The following ZFYVE1 variants were observed in gnomAD, a reference collection of about 807,000 sequenced individuals.
The protein encoded by ZFYVE1 is zinc finger FYVE domain-containing protein 1.
In ZFYVE1, 30 loss-of-function variants were observed where a neutral mutation model predicts 74.4. That is an observed-to-expected ratio of 0.40 (90% CI 0.30 to 0.55). The LOEUF (loss-of-function observed/expected upper bound fraction) is 0.55. ZFYVE1 is among the 20% of genes least tolerant of loss of function. The pLI, the probability that ZFYVE1 is intolerant of heterozygous loss-of-function variation, is 0.42. For missense variants in ZFYVE1, 703 were observed against 1,011.6 expected (o/e 0.69, Z 4.14); for synonymous variants, 335 against 385.1 (o/e 0.87, Z 1.52).
At chr14:73,026,487 A>G (rs12432987) in intron 1 of ZFYVE1, among the ~76,000 whole-genome samples, 1 of 151,998 alleles carries the variant, frequency 6.6e-6, no homozygotes, top group Non-Finnish European at 1.5e-5. Flanking sequence ...ATTTACTACA[A>G]TCTAACCTCA....
intron 10 of ZFYVE1, 139 bp from the exon 11 acceptor site, chr14:72,974,332 G>T: frequency 1.3e-6 from 1 of 785,784 alleles, no homozygotes; most frequent in Non-Finnish European, 2.1e-6. Context: ...AAGGGTCTGT[G>T]CTGTGGGTCA....
intron 2 of ZFYVE1, among the ~76,000 whole-genome samples, chr14:73,007,583 C>T (rs1224978488): frequency 6.6e-6 from 1 of 152,104 alleles, no homozygotes; most frequent in Non-Finnish European, 1.5e-5. Context: ...CTATGTTGCC[C>T]AGGCTGGTCT....
Position 72,998,222 on chromosome 14 carries a change from T to G in ZFYVE1, c.577A>C (p.Lys193Gln), listed in dbSNP as rs1315933082. 6.2e-7 allele frequency: 1 copy of G among 1,613,428 alleles called. No homozygotes were observed. The highest frequency in any genetic ancestry group is 8.5e-7 in the Non-Finnish European group (1 of 1,179,846). ...VSIFGNTGDG[K>Q]SHTLNHTFFY... ...AAAGTGTGGTTGAGAGTATGAGACTTTCCATCACCAGTATTTCCAAAAATG... is the reference window on the plus strand; with the variant it reads ...AAAGTGTGGTTGAGAGTATGAGACTGTCCATCACCAGTATTTCCAAAAATG... The change falls in exon 3 of 12, where the codon AAG becomes CAG. Residue 193 changes from lysine (K) to glutamine (Q), a missense_variant. Coordinates refer to ENST00000556143, the MANE Select transcript of ZFYVE1 (RefSeq NM_021260.4).
chr14:72,988,332 G>A (rs955249092), intron 4 of ZFYVE1, among the ~76,000 whole-genome samples: 22 of 151,698 alleles, frequency 1.5e-4, no homozygotes, highest in Admixed American at 3.3e-4. Context: ...ACACCATCAC[G>A]GCTGGCTAAT....
At chr14:72,986,451 G>A (rs1173413464) in intron 4 of ZFYVE1, among the ~76,000 whole-genome samples, 1 of 144,974 alleles carries the variant, frequency 6.9e-6, no homozygotes, top group African/African-American at 2.6e-5. Flanking sequence ...AGAATCAAGA[G>A]TGTGGGAAAA....
intron 2 of ZFYVE1, among the ~76,000 whole-genome samples, chr14:73,009,511 C>G (rs774124051): frequency 6.6e-6 from 1 of 152,208 alleles, no homozygotes; most frequent in Non-Finnish European, 1.5e-5. Context: ...AATCTCAGCA[C>G]TATGGGAGGC....
chr14:72,975,151 C>A lies in ZFYVE1; in HGVS notation c.1807-192G>T. 1.6e-6 allele frequency: 1 copy of A among 610,538 alleles called. No homozygotes were observed. Among genetic ancestry groups the A allele is most frequent in the Non-Finnish European group, 2.7e-6 (1 of 368,750 alleles). The allele number at this position is 610,538 out of a possible 1,614,324, so 37.8% of individuals were successfully genotyped here. On this transcript the variant is annotated intron_variant, in intron 9 of 11. Coordinates refer to ENST00000556143, the MANE Select transcript of ZFYVE1 (RefSeq NM_021260.4). The surrounding 1 kb of genome is among the most constrained non-coding windows in gnomAD (Gnocchi z 4.1). ...GCCTGGTGGACAGTGAGTTTCCTTT[C>A]ACTAAGTGTCTGGGTTGAAGCTGGG... is the stretch of plus-strand genomic sequence containing the variant.
chr14:72,982,990 C>T (rs1375413747), intron 4 of ZFYVE1, among the ~76,000 whole-genome samples: 2 of 151,992 alleles, frequency 1.3e-5, no homozygotes. Flanking sequence ...ATTACAGGCA[C>T]CCACCACCAC....
intron 3 of ZFYVE1, among the ~76,000 whole-genome samples, chr14:72,996,120 AG>A (rs1594848549): frequency 6.6e-6 from 1 of 151,890 alleles, no homozygotes; most frequent in East Asian, 1.9e-4. Flanking sequence ...GTGGCAGGGG[AG>A]GGGCTGCATT....
At chr14:72,982,021 C>G (rs530263344) in intron 4 of ZFYVE1, 126 bp from the exon 5 acceptor site, 1 of 752,682 alleles carries the variant, frequency 1.3e-6, no homozygotes, top group East Asian at 2.7e-5. Flanking sequence ...GCTCATTACC[C>G]TTGACCTTCC....
rs2140337817 is a variant in ZFYVE1 at position 72,970,579 on chromosome 14, G to A, written c.*303C>T. The A allele has an allele frequency of 2.8e-6, 1 of 352,214 alleles. No individual in the cohort carries two copies. The highest frequency in any genetic ancestry group is 3.6e-5 in the South Asian group (1 of 27,456). The allele number at this position is 352,214 out of a possible 1,614,324, so 21.8% of individuals were successfully genotyped here. A position where few individuals can be genotyped will look rare whatever the true frequency, so the allele number is the denominator to read the frequency against. On this transcript the variant is annotated 3_prime_UTR_variant, in exon 12 of 12. Coordinates refer to ENST00000556143, the MANE Select transcript of ZFYVE1 (RefSeq NM_021260.4). Reference sequence around the variant, plus strand: ...GCAGCAGCCTCGATACGCCCCGAGTGCCTTTCATATGTATATATGAGAGAG... The same window carrying A: ...GCAGCAGCCTCGATACGCCCCGAGTACCTTTCATATGTATATATGAGAGAG...
chr14:72,979,702 C>T (rs367829890), intron 5 of ZFYVE1, among the ~76,000 whole-genome samples: 1 of 150,752 alleles, frequency 6.6e-6, no homozygotes, highest in Admixed American at 6.6e-5. Flanking sequence ...GAAAAACTAC[C>T]TGTCCCCTCA....
At chr14:72,992,608 T>C (rs1893639467) in intron 4 of ZFYVE1, among the ~76,000 whole-genome samples, 1 of 129,540 alleles carries the variant, frequency 7.7e-6, no homozygotes, top group African/African-American at 3.0e-5. Flanking sequence ...GGAGGTCCCA[T>C]TCAGGTGCCC....
At chr14:73,003,782 T>C in intron 2 of ZFYVE1, among the ~76,000 whole-genome samples, 1 of 152,142 alleles carries the variant, frequency 6.6e-6, no homozygotes, top group Non-Finnish European at 1.5e-5. Context: ...AGAGCCTGAA[T>C]ATTCCTGATA....
chr14:73,001,980 A>C (rs1004989838), intron 2 of ZFYVE1, among the ~76,000 whole-genome samples: 3 of 152,138 alleles, frequency 2.0e-5, no homozygotes, highest in Non-Finnish European at 2.9e-5. Context: ...GAAAGAATAC[A>C]AATTTCACTG....
At chr14:72,985,749 T>TAA (rs111464416) in intron 4 of ZFYVE1, among the ~76,000 whole-genome samples, 2 of 143,756 alleles carry the variant, frequency 1.4e-5, no homozygotes, top group Non-Finnish European at 3.1e-5. Context: ...AATTATTATT[T>TAA]AAAAAAAAAA....
intron 2 of ZFYVE1, among the ~76,000 whole-genome samples, chr14:73,023,186 A>ATGTTT (rs1894356202): frequency 7.2e-6 from 1 of 137,958 alleles, no homozygotes; most frequent in African/African-American, 2.7e-5. Flanking sequence ...ATATATATAT[A>ATGTTT]TATATATTTT....
intron 8 of ZFYVE1, among the ~76,000 whole-genome samples, chr14:72,977,425 A>T (rs1399057931): frequency 6.6e-6 from 1 of 152,200 alleles, no homozygotes; most frequent in Non-Finnish European, 1.5e-5. Context: ...CAAAAAAAAA[A>T]AGATTAAGCG....
chr14:72,997,370 A>G (rs1010125740), intron 3 of ZFYVE1, among the ~76,000 whole-genome samples: 1 of 149,510 alleles, frequency 6.7e-6, no homozygotes, highest in Non-Finnish European at 1.5e-5. Context: ...TCCTAATCTT[A>G]TTTTTTTTTT....
Sources: allele counts gnomAD v4.1 joint callset (sites outside exome capture counted in the v4.1 genomes callset), GRCh38; gene constraint gnomAD v4.1.1; non-coding constraint Gnocchi (gnomAD v3.1); transcripts MANE v1.5; gene names NCBI Gene and HGNC (gene_info 2026-07-23, HGNC 2026-07-21).